Variants in OPCML observed in about 807,000 individuals in gnomAD.
OPCML encodes the protein opioid binding protein/cell adhesion molecule like.
In OPCML, 13 loss-of-function variants were observed where a neutral mutation model predicts 37.8. The observed-to-expected ratio is 0.34, with a 90% CI of 0.22 to 0.55. OPCML has a LOEUF of 0.55. Ranked by LOEUF, OPCML falls within the 20% of genes least tolerant of loss-of-function variation. The pLI, the probability that OPCML is intolerant of heterozygous loss-of-function variation, is 0.91. For synonymous variants in OPCML, 176 were observed against 168.8 expected (o/e 1.04, Z -0.33); for missense variants, 341 against 435.6 (o/e 0.78, Z 1.93).
chr11:133,021,196 G>C (rs1333711311), intron 1 of OPCML, among the ~76,000 whole-genome samples: 1 of 152,182 alleles, frequency 6.6e-6, no homozygotes, highest in Non-Finnish European at 1.5e-5. Flanking sequence ...ATACATACAG[G>C]TAAGAGAATG....
At chr11:133,370,240 A>G (rs1944642160) in intron 1 of OPCML, among the ~76,000 whole-genome samples, 1 of 152,182 alleles carries the variant, frequency 6.6e-6, no homozygotes, top group African/African-American at 2.4e-5. Flanking sequence ...ATTCACTAGC[A>G]CTATGATCTC....
chr11:132,644,424 C>T (rs1179289780), intron 3 of OPCML, among the ~76,000 whole-genome samples: 5 of 151,824 alleles, frequency 3.3e-5, no homozygotes, highest in East Asian at 1.9e-4. Flanking sequence ...TTAGGTTACC[C>T]GGGGAGCTGT....
At chr11:132,522,439 G>T (rs942235349) in intron 4 of OPCML, among the ~76,000 whole-genome samples, 2 of 152,130 alleles carry the variant, frequency 1.3e-5, no homozygotes, top group Non-Finnish European at 2.9e-5. Flanking sequence ...ACAAAACAGG[G>T]CTGGGCATGC....
At chr11:133,219,854 C>T (rs1055612828) in intron 1 of OPCML, among the ~76,000 whole-genome samples, 1 of 152,160 alleles carries the variant, frequency 6.6e-6, no homozygotes, top group African/African-American at 2.4e-5. Flanking sequence ...TGCTAATATC[C>T]TATAATGCAC....
intron 2 of OPCML, among the ~76,000 whole-genome samples, chr11:132,762,213 G>A (rs12807499): frequency 0.06 from 9,101 of 152,266 alleles, 390 homozygotes; most frequent in Non-Finnish European, 0.092. Flanking sequence ...CTGCCAAGAT[G>A]CCAGCTGGAG....
Position 132,782,917 on chromosome 11 carries a change from GTATATATATATA to G in OPCML, c.147-125610_147-125599del, listed in dbSNP as rs59984496. ...AATATGTAATATATATATAGTGTGT[GTATATATATATA>G]TATATATATATATATATGTATGTAT... is the stretch of plus-strand genomic sequence containing the variant. On this transcript the variant is annotated intron_variant, in intron 2 of 7. Transcript: ENST00000524381. Among the ~76,000 whole-genome samples, 39 of 125,080 alleles carry G rather than the reference GTATATATATATA, an allele frequency of 3.1e-4. No homozygotes were observed. In the East Asian group the frequency reaches 8.1e-3, roughly 26 times the overall value. The allele number at this position is 125,080 out of a possible 152,430, so 82.1% of individuals were successfully genotyped here.
chr11:132,496,950 T>C (rs2096233126), intron 4 of OPCML, among the ~76,000 whole-genome samples: 1 of 152,164 alleles, frequency 6.6e-6, no homozygotes, highest in South Asian at 2.1e-4. Context: ...ATGCACTGCT[T>C]AATTTAAAAG....
At chr11:132,632,063 T>G (rs1940168516) in intron 3 of OPCML, among the ~76,000 whole-genome samples, 1 of 151,806 alleles carries the variant, frequency 6.6e-6, no homozygotes, top group Non-Finnish European at 1.5e-5. Flanking sequence ...AGGGCTGGGC[T>G]GTTAAAATGG....
At chr11:132,626,115 G>A (rs765018673) in intron 3 of OPCML, among the ~76,000 whole-genome samples, 3 of 151,796 alleles carry the variant, frequency 2.0e-5, no homozygotes, top group Non-Finnish European at 2.9e-5. Context: ...AAGTAAGGAC[G>A]TTAATAGATA....
rs138476990 is a variant in OPCML at position 133,335,219 on chromosome 11, C to T, written c.61+197045G>A. On this transcript the variant is annotated intron_variant, in intron 1 of 7. Transcript: ENST00000524381. The stretch of plus-strand genomic sequence containing the variant: ...CATCTTTCATGATGGGCAAGGCTGC[C>T]GTTCTTACTCTTCATTTTATAATAA... Among the ~76,000 whole-genome samples, 19 of 152,256 alleles carry T rather than the reference C, an allele frequency of 1.2e-4. 1 individual carries two copies. The highest frequency in any genetic ancestry group is 2.2e-4 in the Non-Finnish European group (15 of 68,024).
intron 1 of OPCML, among the ~76,000 whole-genome samples, chr11:133,028,181 A>G (rs1309690888): frequency 2.0e-5 from 3 of 151,644 alleles, no homozygotes; most frequent in African/African-American, 4.9e-5. Context: ...CTTAGGCACC[A>G]CTCATTGCAA....
At chr11:132,556,624 A>T (rs2096396256) in intron 3 of OPCML, among the ~76,000 whole-genome samples, 1 of 152,204 alleles carries the variant, frequency 6.6e-6, no homozygotes, top group African/African-American at 2.4e-5. Context: ...CTTCCAATTC[A>T]TGCAAACAGA....
intron 1 of OPCML, among the ~76,000 whole-genome samples, chr11:133,319,853 C>T (rs565362267): frequency 1.3e-5 from 2 of 152,316 alleles, no homozygotes; most frequent in East Asian, 3.9e-4. Flanking sequence ...CCTGTGGCTC[C>T]TGGCTACTGA....
At chr11:132,881,068 C>A (rs759804003) in intron 2 of OPCML, among the ~76,000 whole-genome samples, 1 of 152,212 alleles carries the variant, frequency 6.6e-6, no homozygotes, top group Non-Finnish European at 1.5e-5. Context: ...GGGTCTCAGA[C>A]AAGTTGCCCA....
intron 4 of OPCML, among the ~76,000 whole-genome samples, chr11:132,514,473 C>T (rs1008274107): frequency 3.9e-5 from 6 of 152,080 alleles, no homozygotes; most frequent in Non-Finnish European, 8.8e-5. Context: ...TAAGGATGTA[C>T]AGTCAAGCCC....
intron 2 of OPCML, among the ~76,000 whole-genome samples, chr11:132,783,804 G>A (rs184187835): frequency 4.6e-5 from 7 of 152,054 alleles, no homozygotes; most frequent in African/African-American, 1.7e-4. Context: ...CCTAGACCTC[G>A]TGGGAGAAAA....
intron 3 of OPCML, among the ~76,000 whole-genome samples, chr11:132,541,516 ATT>A (rs59821039): frequency 0.09 from 12,879 of 143,438 alleles, 742 homozygotes; most frequent in African/African-American, 0.17. Flanking sequence ...CTATATCCAG[ATT>A]TTTTTTTTTT....
chr11:132,653,251 C>G (rs1941523948), intron 3 of OPCML, among the ~76,000 whole-genome samples: 1 of 152,182 alleles, frequency 6.6e-6, no homozygotes, highest in Non-Finnish European at 1.5e-5. Flanking sequence ...CTTCCTCTTT[C>G]CAGGTATGAG....
At chr11:132,553,448 A>G (rs2096387047) in intron 3 of OPCML, among the ~76,000 whole-genome samples, 2 of 152,204 alleles carry the variant, frequency 1.3e-5, no homozygotes, top group African/African-American at 4.8e-5. Flanking sequence ...TGTACCGACA[A>G]GTGACCCCCA....
Sources: allele counts gnomAD v4.1 joint callset (sites outside exome capture counted in the v4.1 genomes callset), GRCh38; gene constraint gnomAD v4.1.1; transcripts MANE v1.5; gene names NCBI Gene and HGNC (gene_info 2026-07-23, HGNC 2026-07-21).